The following SHQ1 variants were observed in gnomAD, a reference collection of about 807,000 sequenced individuals.
SHQ1 encodes the protein protein SHQ1 homolog.
In SHQ1, 49 loss-of-function variants were observed where a neutral mutation model predicts 53.8. The ratio of observed to expected loss-of-function variants is 0.91; its 90% CI spans 0.72 to 1.16. The LOEUF (loss-of-function observed/expected upper bound fraction) is 1.16. Ranked by LOEUF, SHQ1 falls within the 50% of genes most tolerant of loss-of-function variation. The pLI is 0.00. For synonymous variants in SHQ1, 243 were observed against 251.0 expected, an observed-to-expected ratio of 0.97 and a Z score of 0.30; for missense variants, 738 against 683.1, an observed-to-expected ratio of 1.08 and a Z score of -0.90.
chr3:72,751,508 G>GTGTA (rs1210782182), intron 10 of SHQ1, among the ~76,000 whole-genome samples: 113 of 116,972 alleles, frequency 9.7e-4, no homozygotes, highest in Admixed American at 1.2e-3. Context: ...GTGTGTGTGT[G>GTGTA]TATATATATA....
chr3:72,787,308 TA>T (rs1706263284), intron 10 of SHQ1, among the ~76,000 whole-genome samples: 1 of 152,160 alleles, frequency 6.6e-6, no homozygotes, highest in Admixed American at 6.5e-5. Flanking sequence ...ACTACCTACT[TA>T]AAAAAACTAT....
At chr3:72,840,095 T>C (rs1708122617) in intron 4 of SHQ1, among the ~76,000 whole-genome samples, 1 of 150,684 alleles carries the variant, frequency 6.6e-6, no homozygotes, top group African/African-American at 2.4e-5. Context: ...CTACTAAAAA[T>C]AGAAAAATTA....
intron 10 of SHQ1, chr3:72,773,480 G>C: frequency 1.0e-5 from 2 of 198,584 alleles, no homozygotes; most frequent in Non-Finnish European, 1.0e-5. Context: ...CATAAAGACA[G>C]CTTAAAAAAA....
the SHQ1 span, among the ~76,000 whole-genome samples, chr3:72,739,314 C>G: frequency 6.6e-6 from 1 of 152,148 alleles, no homozygotes; most frequent in Non-Finnish European, 1.5e-5. Flanking sequence ...CCCTCCTCAT[C>G]TTCCTTCCCC....
chr3:72,747,790 C>T (rs1404096813), downstream of SHQ1, among the ~76,000 whole-genome samples: 1 of 152,102 alleles, frequency 6.6e-6, no homozygotes, highest in Non-Finnish European at 1.5e-5. Context: ...GAGTTCGAGA[C>T]CAGCCTGGCC....
chr3:72,816,523 C>T (rs1707322985), intron 7 of SHQ1, among the ~76,000 whole-genome samples: 1 of 151,860 alleles, frequency 6.6e-6, no homozygotes, highest in Non-Finnish European at 1.5e-5. Flanking sequence ...TTTTTGGTTT[C>T]CAGCCTTTTT....
At chr3:72,742,038 C>T in the SHQ1 span, among the ~76,000 whole-genome samples, 2 of 151,818 alleles carry the variant, frequency 1.3e-5, no homozygotes, top group Non-Finnish European at 2.9e-5. Flanking sequence ...CCCACAGATA[C>T]CGAGGGACGA....
chr3:72,792,868 A>C (rs1287385413), intron 10 of SHQ1, 48 bp downstream of exon 10: 1 of 1,550,988 alleles, frequency 6.4e-7, no homozygotes, highest in Admixed American at 1.8e-5. Context: ...TAGGTATTTC[A>C]GCAATGTGAA....
At chr3:72,812,928 CAT>C (rs2106859348) in intron 8 of SHQ1, 134 bp from the exon 9 acceptor site, 2 of 891,900 alleles carry the variant, frequency 2.2e-6, no homozygotes, top group East Asian at 5.3e-5. Context: ...AGAAGAGAAA[CAT>C]AAAACCATGA....
In SHQ1 at chr3:72,780,964, C is replaced by T. The variant is rs775557929; in HGVS notation, c.1181+11952G>A. The stretch of plus-strand genomic sequence containing the variant: ...GATTACAGGTGCCCACCACTACACC[C>T]GGCTAATTTTGTATTTTTAGTAGAG... On this transcript the variant is annotated intron_variant, in intron 10 of 10. Coordinates refer to ENST00000325599, the MANE Select transcript of SHQ1 (RefSeq NM_018130.3). 4.0e-5 allele frequency among the ~76,000 whole-genome samples: 6 copies of T among 151,878 alleles called. No homozygotes were observed. The South Asian group carries it at 8.3e-4, about 21-fold the overall frequency.
the SHQ1 span, among the ~76,000 whole-genome samples, chr3:72,735,750 A>AAGGAAGGAAGGAAGGC: frequency 2.4e-4 from 30 of 122,614 alleles, no homozygotes; most frequent in African/African-American, 8.8e-4. Flanking sequence ...GGAAGGAAGG[A>AAGGAAGGAAGGAAGGC]AGGCAGGCAG....
At chr3:72,734,323 C>T in the SHQ1 span, among the ~76,000 whole-genome samples, 3 of 151,086 alleles carry the variant, frequency 2.0e-5, 1 homozygote, top group Non-Finnish European at 4.4e-5. Context: ...GTGATGTGAT[C>T]TCGACTCACT....
intron 10 of SHQ1, among the ~76,000 whole-genome samples, chr3:72,763,022 T>TACACACACAC (rs35278618): frequency 4.5e-5 from 6 of 132,740 alleles, no homozygotes; most frequent in South Asian, 2.4e-4. Context: ...CATCTTGTTT[T>TACACACACAC]ACACACACAC....
rs1368484939 is a variant in SHQ1, at chr3:72,846,186, T to C, written c.144-1763A>G. ...ACTCTATAAGCCTAGAGTTAAATTC[T>C]TACTGCAGAGAAAATTATATTTGCT... On this transcript the variant is annotated intron_variant, in intron 1 of 10. Coordinates refer to ENST00000325599, the MANE Select transcript of SHQ1 (RefSeq NM_018130.3). The C allele has an allele frequency of 2.0e-6, 3 of 1,532,552 alleles. No individual in the cohort carries two copies. The South Asian group carries it at 3.6e-5, about 18-fold the overall frequency. 94.9% of individuals were successfully genotyped at this position (1,532,552 alleles called of 1,614,324 possible).
intron 5 of SHQ1, among the ~76,000 whole-genome samples, chr3:72,824,876 A>T (rs1429078575): frequency 6.6e-6 from 1 of 151,228 alleles, no homozygotes; most frequent in African/African-American, 2.4e-5. Context: ...ATCACAGCTC[A>T]CTGCAGCCTC....
intron 10 of SHQ1, among the ~76,000 whole-genome samples, chr3:72,763,367 T>G (rs1342482795): frequency 6.6e-6 from 1 of 152,236 alleles, no homozygotes; most frequent in Non-Finnish European, 1.5e-5. Context: ...ATGTAGATTT[T>G]GACCTGTTAA....
chr3:72,748,533 A>G (rs1398404846), downstream of SHQ1, among the ~76,000 whole-genome samples: 1 of 151,924 alleles, frequency 6.6e-6, no homozygotes, highest in East Asian at 1.9e-4. Flanking sequence ...TCTACCAAAA[A>G]TACAAAAATT....
chr3:72,794,154 C>T (rs966929857), intron 9 of SHQ1: 3 of 152,128 alleles, frequency 2.0e-5, no homozygotes, highest in African/African-American at 4.8e-5. Context: ...TTCTGAAACG[C>T]GGAAATACTG....
chr3:72,736,918 C>T, the SHQ1 span, among the ~76,000 whole-genome samples: 5 of 152,024 alleles, frequency 3.3e-5, no homozygotes, highest in South Asian at 2.1e-4. Flanking sequence ...TTCCACTTTC[C>T]GAAGTGCAAA....
Sources: allele counts gnomAD v4.1 joint callset (sites outside exome capture counted in the v4.1 genomes callset), GRCh38; gene constraint gnomAD v4.1.1; transcripts MANE v1.5; gene names NCBI Gene and HGNC (gene_info 2026-07-23, HGNC 2026-07-21).